ZNF487: variants seen among roughly 807,000 people sequenced by gnomAD.
ZNF487 encodes KRAB domain only 1.
Under a neutral mutation model 3.0 loss-of-function variants are expected in ZNF487, and 4 were observed. That is an observed-to-expected ratio of 1.35 (90% CI 0.66 to 3.08). The LOEUF (loss-of-function observed/expected upper bound fraction) is 3.08, where lower values mean the gene tolerates loss of function less well. Ranked by LOEUF, ZNF487 falls within the 30% of genes most tolerant of loss-of-function variation. The pLI is 0.01. For missense variants in ZNF487, 146 were observed against 98.7 expected (o/e 1.48, Z -2.03); for synonymous variants, 55 against 34.6 (o/e 1.59, Z -2.06).
the ZNF487 span, among the ~76,000 whole-genome samples, chr10:43,495,081 A>G: frequency 6.6e-6 from 1 of 152,160 alleles, no homozygotes; most frequent in African/African-American, 2.4e-5. Flanking sequence ...CAAATTACTT[A>G]TAATCATCTA....
the ZNF487 span, among the ~76,000 whole-genome samples, chr10:43,498,093 A>T: frequency 1.4e-3 from 18 of 13,262 alleles, 2 homozygotes; most frequent in Admixed American, 6.1e-3. Flanking sequence ...ATATATATAT[A>T]TATATATTTT....
intron 1 of ZNF487, among the ~76,000 whole-genome samples, chr10:43,463,340 C>T (rs1303380255): frequency 1.3e-5 from 2 of 152,084 alleles, no homozygotes; most frequent in East Asian, 3.9e-4. Flanking sequence ...TAGTTTGAGA[C>T]CAGCCTGGCC....
chr10:43,470,229 C>T (rs1040112446), intron 1 of ZNF487, among the ~76,000 whole-genome samples: 17 of 151,772 alleles, frequency 1.1e-4, no homozygotes, highest in African/African-American at 3.4e-4. Flanking sequence ...TTTTTGGTTG[C>T]GGGAACAGTG....
chr10:43,519,154 G>A, the ZNF487 span, among the ~76,000 whole-genome samples: 2 of 151,876 alleles, frequency 1.3e-5, no homozygotes, highest in Non-Finnish European at 2.9e-5. Flanking sequence ...GGGCTCAAAT[G>A]TTTCTTCTGC....
chr10:43,480,031 C>CT (rs1564428877), intron 3 of ZNF487, among the ~76,000 whole-genome samples: 4 of 82,332 alleles, frequency 4.9e-5, no homozygotes, highest in Admixed American at 1.4e-4. Flanking sequence ...TTCTTTCTTT[C>CT]TTTCTTTCTT....
intron 1 of ZNF487, among the ~76,000 whole-genome samples, chr10:43,447,854 T>C (rs1449361983): frequency 6.6e-6 from 1 of 152,170 alleles, no homozygotes; most frequent in Non-Finnish European, 1.5e-5. Flanking sequence ...CTGCCTTAGT[T>C]ATTTTTCCTT....
chr10:43,454,201 G>A (rs1382409967), intron 1 of ZNF487: 1 of 152,064 alleles, frequency 6.6e-6, no homozygotes, highest in Non-Finnish European at 1.5e-5. Context: ...TACAGGTGCA[G>A]GCTGCCACGC....
At chr10:43,454,886 C>T (rs901837198) in intron 1 of ZNF487, among the ~76,000 whole-genome samples, 2 of 140,624 alleles carry the variant, frequency 1.4e-5, no homozygotes, top group Admixed American at 7.7e-5. Context: ...TGCAGTGAGC[C>T]GTGACTGCGC....
At chr10:43,454,085 G>C (rs1003610040) in intron 1 of ZNF487, 1 of 151,826 alleles carries the variant, frequency 6.6e-6, no homozygotes, top group Admixed American at 6.6e-5. Context: ...TCGCTCTGTC[G>C]CCCAGGCTGA....
intron 1 of ZNF487, among the ~76,000 whole-genome samples, chr10:43,447,677 G>A (rs1839861576): frequency 6.6e-6 from 1 of 152,152 alleles, no homozygotes. Flanking sequence ...TTATACTCAT[G>A]TACTGATCAA....
the ZNF487 span, among the ~76,000 whole-genome samples, chr10:43,509,086 C>T: frequency 4.7e-3 from 706 of 151,448 alleles, 5 homozygotes; most frequent in African/African-American, 0.016. Flanking sequence ...CCCAGCTACT[C>T]GGGTGGCTGA....
intron 3 of ZNF487, among the ~76,000 whole-genome samples, chr10:43,476,813 A>T (rs1045800743): frequency 2.7e-4 from 41 of 152,194 alleles, no homozygotes; most frequent in African/African-American, 9.6e-4. Context: ...GATGGGGAGC[A>T]TGTGAGAGAT....
the ZNF487 span, among the ~76,000 whole-genome samples, chr10:43,502,237 A>G: frequency 6.6e-6 from 1 of 152,238 alleles, no homozygotes; most frequent in Non-Finnish European, 1.5e-5. Context: ...TTGTAGGGAC[A>G]TGGATGAAGC....
chr10:43,469,098 G>A (rs1472570156), intron 1 of ZNF487, among the ~76,000 whole-genome samples: 1 of 151,440 alleles, frequency 6.6e-6, no homozygotes, highest in African/African-American at 2.4e-5. Context: ...CCAGCCTTCA[G>A]CAAACCACCA....
rs562620554 is a variant in ZNF487 at position 43,443,944 on chromosome 10, C to T, written c.-94+6682C>T. Among the ~76,000 whole-genome samples the T allele has an allele frequency of 1.7e-3, 252 of 151,756 alleles. 1 individual carries two copies. Among genetic ancestry groups the T allele is most frequent in the Middle Eastern group, 3.4e-3 (1 of 294 alleles). The stretch of plus-strand genomic sequence containing the variant: ...CTTGGCTCACTGCAACCTCTGCCTC[C>T]CGGGTTCAAGCGATTCCTCTGCCTC... On this transcript the variant is annotated intron_variant, in intron 1 of 3. Transcript: ENST00000437590.
At position 43,482,913 on chromosome 10, in the gene ZNF487, T is replaced by A. The variant is rs761210556; in HGVS notation, c.*991T>A. The A allele has an allele frequency of 1.9e-6, 1 of 532,750 alleles. No homozygotes were observed. The highest frequency in any genetic ancestry group is 5.5e-5 in the East Asian group (1 of 18,324). The allele number at this position is 532,750 out of a possible 1,614,324, so 33.0% of individuals were successfully genotyped here. ...GAGAACCCACACAGGAGAGAAACCC[T>A]ATGCATGTAGTGAATGTGGGAAAAC... On this transcript the variant is annotated 3_prime_UTR_variant, in exon 4 of 4. Coordinates refer to ENST00000437590, the MANE Select transcript of ZNF487 (RefSeq NM_001355444.3).
At chr10:43,502,766 C>A in the ZNF487 span, among the ~76,000 whole-genome samples, 1 of 152,150 alleles carries the variant, frequency 6.6e-6, no homozygotes, top group Non-Finnish European at 1.5e-5. Flanking sequence ...TGCGGTGGCT[C>A]ATGCCTGTAA....
At chr10:43,477,797 C>T (rs141047105) in intron 3 of ZNF487, among the ~76,000 whole-genome samples, 51 of 151,298 alleles carry the variant, frequency 3.4e-4, no homozygotes, top group Non-Finnish European at 1.3e-4. Context: ...ACTAAAAGTA[C>T]AAAAATTAGC....
the ZNF487 span, among the ~76,000 whole-genome samples, chr10:43,518,494 G>C: frequency 6.6e-6 from 1 of 151,980 alleles, no homozygotes; most frequent in African/African-American, 2.4e-5. Flanking sequence ...TTATGTTTTT[G>C]ATGACCATCT....
Sources: gnomAD v4.1 joint callset for allele counts (sites outside exome capture counted in the v4.1 genomes callset) on GRCh38, gnomAD v4.1.1 for gene constraint, MANE v1.5 for transcripts, NCBI Gene and HGNC (gene_info 2026-07-23, HGNC 2026-07-21) for gene names.